The following DNAH14 variants were observed in gnomAD, a reference collection of about 807,000 sequenced individuals.
DNAH14 encodes the protein axonemal beta dynein heavy chain 14.
In DNAH14, 478 loss-of-function variants were observed where a neutral mutation model predicts 520.9. That is an observed-to-expected ratio of 0.92 (90% confidence interval 0.85 to 0.99). The LOEUF is 0.99. Among genes scored for constraint, DNAH14 ranks in the 50% least tolerant of loss-of-function variants. The probability of loss-of-function intolerance (pLI) is 0.00; values close to 1 mark genes in which losing one functional copy is unlikely to be tolerated. For synonymous variants in DNAH14, 1,581 were observed against 1,757.2 expected (o/e 0.90, Z 2.51); for missense variants, 4,831 against 5,234.5 (o/e 0.92, Z 2.38).
intron 66 of DNAH14, among the ~76,000 whole-genome samples, chr1:225,335,181 G>A (rs1480986773): frequency 4.8e-5 from 6 of 125,766 alleles, no homozygotes; most frequent in East Asian, 2.3e-4. Context: ...GTACATGTGC[G>A]CATGTGTGTA....
chr1:225,368,159 C>A (rs1422118475), intron 77 of DNAH14, 127 bp downstream of exon 77: 6 of 783,012 alleles, frequency 7.7e-6, no homozygotes, highest in African/African-American at 1.7e-5. Context: ...TATAACTAGG[C>A]AATAAGGGCT....
At chr1:225,200,761 G>C (rs1488898809) in intron 38 of DNAH14, among the ~76,000 whole-genome samples, 2 of 152,108 alleles carry the variant, frequency 1.3e-5, no homozygotes. Context: ...TAGGTTACCT[G>C]GTTCTTTTGC....
chr1:225,140,462 ATCTT>A (rs1023635885), intron 27 of DNAH14, among the ~76,000 whole-genome samples: 1 of 152,196 alleles, frequency 6.6e-6, no homozygotes, highest in African/African-American at 2.4e-5. Context: ...CTAATATATC[ATCTT>A]GGAGTTTTCC....
intron 36 of DNAH14, among the ~76,000 whole-genome samples, chr1:225,183,621 A>G (rs908479770): frequency 3.3e-5 from 5 of 152,074 alleles, no homozygotes; most frequent in East Asian, 1.9e-4. Flanking sequence ...CAAAGGATCA[A>G]TGAAACCAAA....
chr1:224,966,245 A>G (rs2061162109), intron 5 of DNAH14, among the ~76,000 whole-genome samples: 1 of 152,142 alleles, frequency 6.6e-6, no homozygotes. Context: ...AGCTAAAATA[A>G]TTGAGAAGAA....
At chr1:225,076,533 G>T (rs139852523) in intron 17 of DNAH14, among the ~76,000 whole-genome samples, 2 of 152,148 alleles carry the variant, frequency 1.3e-5, no homozygotes, top group East Asian at 1.9e-4. Context: ...TGGAGAGTAC[G>T]ATTCCACCGT....
chr1:225,311,751 T>C (rs935212035), intron 60 of DNAH14, among the ~76,000 whole-genome samples: 9 of 152,142 alleles, frequency 5.9e-5, no homozygotes, highest in Admixed American at 4.6e-4. Flanking sequence ...GATCAGATGG[T>C]TGTAGATGTG....
chr1:225,366,328 G>A (rs1234002450), intron 76 of DNAH14, among the ~76,000 whole-genome samples: 1 of 152,078 alleles, frequency 6.6e-6, no homozygotes, highest in Non-Finnish European at 1.5e-5. Flanking sequence ...TCTAGGAAAA[G>A]GCCAAATAAA....
At chr1:225,051,424 C>G in intron 16 of DNAH14, 27 bp from the exon 17 acceptor site, 1 of 1,400,408 alleles carries the variant, frequency 7.1e-7, no homozygotes, top group Non-Finnish European at 9.4e-7. Flanking sequence ...AAAATTCTGA[C>G]TAACATCTCA....
intron 76 of DNAH14, among the ~76,000 whole-genome samples, chr1:225,365,231 T>C (rs2095538268): frequency 6.6e-6 from 1 of 152,212 alleles, no homozygotes; most frequent in Non-Finnish European, 1.5e-5. Flanking sequence ...GTTTTATTAT[T>C]AATTCTCTAG....
chr1:225,334,882 ATATGTGTGTG>A (rs1558420690), intron 66 of DNAH14, among the ~76,000 whole-genome samples: 1 of 128,970 alleles, frequency 7.8e-6, no homozygotes, highest in African/African-American at 3.1e-5. Flanking sequence ...CTCTACATAT[ATATGTGTGTG>A]TGTGTGTGTG....
chr1:225,170,331 G>A (rs1465288870), intron 36 of DNAH14, among the ~76,000 whole-genome samples: 8 of 152,100 alleles, frequency 5.3e-5, no homozygotes, highest in Non-Finnish European at 1.0e-4. Flanking sequence ...TGGCAAATTG[G>A]ATAAAGAGTC....
At chr1:225,259,987 G>T (rs1343416002) in intron 46 of DNAH14, among the ~76,000 whole-genome samples, 1 of 151,990 alleles carries the variant, frequency 6.6e-6, no homozygotes, top group African/African-American at 2.4e-5. Flanking sequence ...TGACAAGATT[G>T]CCTTCCTTTA....
chr1:225,038,940 G>T, intron 12 of DNAH14, 117 bp downstream of exon 12: 1 of 822,748 alleles, frequency 1.2e-6, no homozygotes, highest in South Asian at 2.1e-5. Flanking sequence ...ACATACCCTC[G>T]CCAACACACA....
intron 63 of DNAH14, 46 bp from the exon 64 acceptor site, chr1:225,324,691 A>G (rs947407006): frequency 6.5e-5 from 95 of 1,472,852 alleles, no homozygotes; most frequent in Non-Finnish European, 8.3e-5. Context: ...TTTTAACAGT[A>G]AACCCGACGT....
chr1:225,381,388 G>A lies in DNAH14; in HGVS notation c.12886G>A (p.Asp4296Asn), dbSNP rs1407458386. The change falls in exon 81 of 86, where the codon GAC (aspartate) becomes AAC (asparagine). Residue 4296 changes from aspartate to asparagine, a missense_variant. Asp to Asn is a conservative substitution (Grantham distance 23). Coordinates refer to ENST00000682510, the MANE Select transcript of DNAH14 (RefSeq NM_001367479.1). ...ESLSKNLKDH[D>N]PLIHCVLLTF... ...TATTTCTTTTTAAAATCCAGATCACGACCCCCTTATCCATTGTGTCTTGCT... is the reference window on the plus strand; with the variant it reads ...TATTTCTTTTTAAAATCCAGATCACAACCCCCTTATCCATTGTGTCTTGCT... The A allele has an allele frequency of 1.1e-5, 17 of 1,533,622 alleles. No individual in the cohort carries two copies. The highest frequency in any genetic ancestry group is 2.5e-5 in the South Asian group (2 of 78,582).
Position 225,152,031 on chromosome 1 carries a change from G to GT in DNAH14, c.4968dup (p.Ile1657TyrfsTer24). The GT allele has an allele frequency of 6.4e-7, 1 of 1,551,558 alleles. No homozygotes were observed. Among genetic ancestry groups the GT allele is most frequent in the Non-Finnish European group, 8.7e-7 (1 of 1,146,912 alleles). On this transcript the variant is annotated frameshift_variant, in exon 32 of 86. Coordinates refer to ENST00000682510, the MANE Select transcript of DNAH14 (RefSeq NM_001367479.1). LOFTEE classifies it high-confidence loss of function. ...TTTGTACTGGAAGGAAAAGAAATTC[G>GT]TATCAATATGTCTTGTGCGGTATTT... is the stretch of plus-strand genomic sequence containing the variant.
In DNAH14 at chr1:225,391,721, G is replaced by A. The variant is rs116003801; in HGVS notation, c.13331-570G>A. On this transcript the variant is annotated intron_variant, in intron 83 of 85. Coordinates refer to ENST00000682510, the MANE Select transcript of DNAH14 (RefSeq NM_001367479.1). ...ACTGAAATACGGAGCACAGGGAGAG[G>A]AGCAGGCTGATGGGGATCATAATGA... Among the ~76,000 whole-genome samples, 673 of 152,232 alleles carry A rather than the reference G, an allele frequency of 4.4e-3. 10 individuals carry two copies. Among genetic ancestry groups the A allele is most frequent in the African/African-American group, 0.015 (634 of 41,524 alleles).
intron 35 of DNAH14, among the ~76,000 whole-genome samples, chr1:225,167,328 G>A (rs1027615416): frequency 8.5e-5 from 13 of 152,204 alleles, no homozygotes; most frequent in Admixed American, 7.2e-4. Flanking sequence ...TGTAGACATA[G>A]TTACCAATTC....
Sources: gnomAD v4.1 joint callset for allele counts (sites outside exome capture counted in the v4.1 genomes callset) on GRCh38, gnomAD v4.1.1 for gene constraint, MANE v1.5 for transcripts, NCBI Gene and HGNC (gene_info 2026-07-23, HGNC 2026-07-21) for gene names.